Variants in GUCY1B1 observed in about 807,000 individuals in gnomAD.
The protein encoded by GUCY1B1 is guanylate cyclase 1 soluble subunit beta 1.
A neutral mutation model predicts 71.0 loss-of-function variants in GUCY1B1; 43 were observed. That is an observed-to-expected ratio of 0.61 (90% CI 0.47 to 0.78). GUCY1B1 has a LOEUF of 0.78. Ranked by LOEUF, GUCY1B1 falls within the 30% of genes least tolerant of loss-of-function variation. The pLI is 0.00. For missense variants in GUCY1B1, 535 were observed against 754.1 expected (o/e 0.71, Z 3.40); for synonymous variants, 266 against 259.7 (o/e 1.02, Z -0.23).
chr4:155,766,871 T>C (rs570304023), intron 2 of GUCY1B1, among the ~76,000 whole-genome samples: 3 of 152,312 alleles, frequency 2.0e-5, no homozygotes, highest in East Asian at 3.9e-4. Flanking sequence ...GCTCTCACCA[T>C]GTCATGCTAT....
intron 10 of GUCY1B1, 32 bp from the exon 11 acceptor site, chr4:155,803,591 TA>T: frequency 7.2e-7 from 1 of 1,391,172 alleles, no homozygotes; most frequent in Non-Finnish European, 9.5e-7. Context: ...TTTTTTATGC[TA>T]ACCGTGAACA....
intron 1 of GUCY1B1, 189 bp from the exon 2 acceptor site, chr4:155,759,598 A>G (rs1469100423): frequency 3.7e-6 from 2 of 544,970 alleles, no homozygotes; most frequent in Non-Finnish European, 6.4e-6. Context: ...GGGAGAATCC[A>G]CCAGGGATTG....
chr4:155,800,374 A>G lies in GUCY1B1; in HGVS notation c.1175+300A>G, dbSNP rs781374537. 3.9e-5 allele frequency among the ~76,000 whole-genome samples: 6 copies of G among 152,230 alleles called. No individual in the cohort carries two copies. The South Asian group carries it at 8.3e-4, about 21-fold the overall frequency. On this transcript the variant is annotated intron_variant, in intron 9 of 13. Transcript: ENST00000264424. Reference sequence around the variant, plus strand: ...AATTTAGTTCAAAAATTGAAGTTTAACTATCATTTATTCCTGCATTCTTTC... The same window carrying G: ...AATTTAGTTCAAAAATTGAAGTTTAGCTATCATTTATTCCTGCATTCTTTC...
Position 155,802,458 on chromosome 4 carries a change from A to T in GUCY1B1, c.1292A>T (p.Asn431Ile). 1 of 1,613,860 alleles carries T rather than the reference A, an allele frequency of 6.2e-7. No homozygotes were observed. Among genetic ancestry groups the T allele is most frequent in the Non-Finnish European group, 8.5e-7 (1 of 1,179,806 alleles). The change falls in exon 10 of 14, where the codon AAT becomes ATT. Residue 431 changes from asparagine to isoleucine, a missense_variant. Coordinates refer to ENST00000264424, the MANE Select transcript of GUCY1B1 (RefSeq NM_000857.5). This position sits in a 1 kb window ranked among gnomAD's most constrained non-coding sequence, Gnocchi z 4.3. ...TILFSGIVGF[N>I]AFCSKHASGE... ...CTCTTTAGTGGCATTGTGGGCTTCA[A>T]TGCTTTCTGTAGCAAGCATGCATCT...
At chr4:155,772,429 A>G (rs577057603) in intron 2 of GUCY1B1, among the ~76,000 whole-genome samples, 6 of 152,074 alleles carry the variant, frequency 3.9e-5, no homozygotes, top group Non-Finnish European at 7.4e-5. Context: ...CTTGTTTGTT[A>G]GCTGAGTCAG....
rs1290423905 is a variant in GUCY1B1 at position 155,796,290 on chromosome 4, T to G, written c.844-87T>G. 2.5e-6 allele frequency: 3 copies of G among 1,212,658 alleles called. No homozygotes were observed. The Admixed American group carries it at 5.8e-5, about 23-fold the overall frequency. 75.1% of individuals were successfully genotyped at this position (1,212,658 alleles called of 1,614,324 possible). On this transcript the variant is annotated intron_variant, in intron 7 of 13. Coordinates refer to ENST00000264424, the MANE Select transcript of GUCY1B1 (RefSeq NM_000857.5). ...GCACTTATTCTGCTTTGTGGTTTGG[T>G]GGGAAATGAGATATGCGTGTCCTTG... is the stretch of plus-strand genomic sequence containing the variant.
rs1184175703 is a variant in GUCY1B1, at chr4:155,805,156, G to T, written c.1763G>T (p.Gly588Val). The T allele has an allele frequency of 6.2e-7, 1 of 1,611,644 alleles. No homozygotes were observed. The highest frequency in any genetic ancestry group is 1.1e-5 in the South Asian group (1 of 90,974). Residue 588 changes from glycine (G) to valine (V), a missense_variant, in exon 13 of 14, where the codon GGC becomes GTC. Transcript: ENST00000264424. ...CCACAATTCCACTTGGAGCACAGAG[G>T]CCCAGTGTCCATGAAGGGCAAAAAA... The part of the protein sequence containing the change: ...SDPQFHLEHR[G>V]PVSMKGKKEP...
intron 2 of GUCY1B1, among the ~76,000 whole-genome samples, chr4:155,764,432 C>A (rs1022111558): frequency 7.2e-5 from 11 of 152,146 alleles, no homozygotes; most frequent in Non-Finnish European, 1.6e-4. Context: ...CTTACTGTCC[C>A]AGAGAATTAC....
chr4:155,772,525 T>A, intron 2 of GUCY1B1: 1 of 524,950 alleles, frequency 1.9e-6, no homozygotes, highest in South Asian at 2.5e-5. Context: ...AGCAATATTC[T>A]CCCACCTCAG....
chr4:155,785,437 ATAT>A, intron 4 of GUCY1B1: 2 of 574,430 alleles, frequency 3.5e-6, no homozygotes, highest in Non-Finnish European at 6.1e-6. Context: ...TTCTGTGGGT[ATAT>A]TTAGAAATAA....
intron 2 of GUCY1B1, chr4:155,772,674 C>A: frequency 1.4e-6 from 1 of 702,102 alleles, no homozygotes; most frequent in Non-Finnish European, 2.6e-6. Flanking sequence ...CCCACCTGGG[C>A]TTCCCAAAGT....
At chr4:155,781,667 A>G (rs995531297) in intron 4 of GUCY1B1, among the ~76,000 whole-genome samples, 4 of 151,984 alleles carry the variant, frequency 2.6e-5, no homozygotes, top group Non-Finnish European at 5.9e-5. Context: ...TAAATAAAAT[A>G]TAAAATTTAA....
intron 2 of GUCY1B1, among the ~76,000 whole-genome samples, chr4:155,768,452 GTTTGTT>G (rs1253006105): frequency 1.8e-5 from 2 of 111,580 alleles, no homozygotes; most frequent in Non-Finnish European, 3.4e-5. Flanking sequence ...TTGATTACTT[GTTTGTT>G]TTTTTTTTTT....
chr4:155,804,632 G>A lies in GUCY1B1; in HGVS notation c.1594G>A (p.Val532Ile). The A allele has an allele frequency of 6.2e-7, 1 of 1,612,582 alleles. No individual in the cohort carries two copies. Among genetic ancestry groups the A allele is most frequent in the Non-Finnish European group, 8.5e-7 (1 of 1,178,710 alleles). ...GIHTGEVVTG[V>I]IGQRMPRYCL... Reference sequence around the variant, plus strand: ...ACACACTGGAGAGGTAGTTACAGGTGTCATAGGACAGCGGATGCCTCGATA... The same window carrying A: ...ACACACTGGAGAGGTAGTTACAGGTATCATAGGACAGCGGATGCCTCGATA... Residue 532 changes from valine to isoleucine, a missense_variant, in exon 12 of 14, where the codon GTC becomes ATC. Physicochemically the swap from Val to Ile is conservative, Grantham distance 29 (BLOSUM62 3). Coordinates refer to ENST00000264424, the MANE Select transcript of GUCY1B1 (RefSeq NM_000857.5).
chr4:155,776,014 T>C (rs1487016937), intron 3 of GUCY1B1, among the ~76,000 whole-genome samples: 1 of 152,180 alleles, frequency 6.6e-6, no homozygotes, highest in Non-Finnish European at 1.5e-5. Flanking sequence ...TGTTTAATAT[T>C]AACAAGAAAA....
At chr4:155,769,848 T>C (rs1382154700) in intron 2 of GUCY1B1, among the ~76,000 whole-genome samples, 2 of 152,086 alleles carry the variant, frequency 1.3e-5, no homozygotes, top group Admixed American at 6.5e-5. Context: ...AATTGCATAA[T>C]TTCCCTATTA....
chr4:155,780,744 T>A (rs1037572835), intron 4 of GUCY1B1, among the ~76,000 whole-genome samples: 1 of 151,688 alleles, frequency 6.6e-6, no homozygotes, highest in East Asian at 1.9e-4. Flanking sequence ...ATCCTGTAAT[T>A]TTTTTTACGG....
chr4:155,794,187 T>C (rs192804014), intron 6 of GUCY1B1, 101 bp downstream of exon 6: 76 of 649,734 alleles, frequency 1.2e-4, no homozygotes, highest in African/African-American at 8.9e-4. Flanking sequence ...GACTATGTAT[T>C]AGGTAATATG....
intron 4 of GUCY1B1, among the ~76,000 whole-genome samples, chr4:155,786,461 CTTTTTTT>C (rs70954058): frequency 2.7e-5 from 1 of 37,148 alleles, no homozygotes; most frequent in Non-Finnish European, 4.7e-5. Context: ...TTCTTTCTTT[CTTTTTTT>C]TTTTTTTTTT....
Sources: gnomAD v4.1 joint callset for allele counts (sites outside exome capture counted in the v4.1 genomes callset) on GRCh38, gnomAD v4.1.1 for gene constraint, Gnocchi (gnomAD v3.1) non-coding constraint, MANE v1.5 for transcripts, NCBI Gene and HGNC (gene_info 2026-07-23, HGNC 2026-07-21) for gene names.